The following NEO1 variants were observed in gnomAD, a reference collection of about 807,000 sequenced individuals.
The protein encoded by NEO1 is neogenin 1.
Under a neutral mutation model 159.7 loss-of-function variants are expected in NEO1, and 63 were observed. The observed-to-expected ratio is 0.39, with a 90% CI of 0.32 to 0.49. NEO1 has a LOEUF of 0.49. Among genes scored for constraint, NEO1 ranks in the 20% least tolerant of loss-of-function variants. The pLI, the probability that NEO1 is intolerant of heterozygous loss-of-function variation, is 0.85. For synonymous variants in NEO1, 633 were observed against 662.0 expected (o/e 0.96, Z 0.67); for missense variants, 1,615 against 1,831.0 (o/e 0.88, Z 2.15).
intron 1 of NEO1, among the ~76,000 whole-genome samples, chr15:73,086,947 C>T (rs1031753174): frequency 5.3e-5 from 8 of 152,028 alleles, no homozygotes; most frequent in Non-Finnish European, 8.8e-5. Context: ...TGAGCCACCG[C>T]GCCTAGCCAG....
chr15:73,239,378 G>A (rs1298263463), intron 8 of NEO1, among the ~76,000 whole-genome samples: 1 of 152,004 alleles, frequency 6.6e-6, no homozygotes, highest in Non-Finnish European at 1.5e-5. Flanking sequence ...TATGCATTGG[G>A]CCCTCATACA....
At chr15:73,224,033 A>G (rs963343594) in intron 7 of NEO1, among the ~76,000 whole-genome samples, 14 of 152,166 alleles carry the variant, frequency 9.2e-5, no homozygotes, top group Non-Finnish European at 1.9e-4. Context: ...TGTCTGGAAA[A>G]GACTGTATCT....
intron 5 of NEO1, among the ~76,000 whole-genome samples, chr15:73,165,672 C>T (rs994767547): frequency 1.3e-5 from 2 of 152,118 alleles, no homozygotes; most frequent in East Asian, 3.8e-4. Flanking sequence ...GGGGCGTGGA[C>T]ACAAAGGGTG....
rs1247361429 is a variant in NEO1, at chr15:73,244,344, G to T, written c.1452G>T (p.Arg484Ser). 4 of 1,612,234 alleles carry T rather than the reference G, an allele frequency of 2.5e-6. No homozygotes were observed. The highest frequency in any genetic ancestry group is 1.1e-5 in the South Asian group (1 of 90,834). The change falls in exon 9 of 29, where the codon AGG becomes AGT. Residue 484 changes from arginine (R) to serine (S), a missense_variant and splice_region_variant. This residue lies in a region of NEO1 where 1,018 missense variants were observed against 1,115.4 expected (regional missense o/e 0.91). Coordinates refer to ENST00000261908, the MANE Select transcript of NEO1 (RefSeq NM_002499.4). Reference sequence around the variant, plus strand: ...CTCTCTCCAAATCCTTTGTCTAAAGGGAACGTGTTGAGAATACCAGTCACC... The same window carrying T: ...CTCTCTCCAAATCCTTTGTCTAAAGTGAACGTGTTGAGAATACCAGTCACC... Reference protein sequence around the residue: ...SVFYTKEGIARERVENTSHPG... With the variant: ...SVFYTKEGIASERVENTSHPG...
At chr15:73,226,071 G>T (rs191889804) in intron 7 of NEO1, among the ~76,000 whole-genome samples, 1 of 152,160 alleles carries the variant, frequency 6.6e-6, no homozygotes. Flanking sequence ...TTCTCCAGTG[G>T]GGATGTGTGT....
chr15:73,184,731 C>T (rs991533546), intron 7 of NEO1, among the ~76,000 whole-genome samples: 1 of 152,114 alleles, frequency 6.6e-6, no homozygotes, highest in Non-Finnish European at 1.5e-5. Context: ...AGTTCGAGAC[C>T]AGCTTGGCCA....
chr15:73,260,564 A>G, intron 15 of NEO1, 99 bp downstream of exon 15: 1 of 1,058,958 alleles, frequency 9.4e-7, no homozygotes, highest in Non-Finnish European at 1.3e-6. Flanking sequence ...TTGCGAAAAT[A>G]GTACAAGTAA....
intron 1 of NEO1, among the ~76,000 whole-genome samples, chr15:73,062,716 A>C (rs2068036738): frequency 1.3e-5 from 2 of 152,104 alleles, no homozygotes; most frequent in South Asian, 4.1e-4. Context: ...GTTTGGCCCA[A>C]GGTACTGTGG....
intron 1 of NEO1, among the ~76,000 whole-genome samples, chr15:73,054,902 T>C (rs2067626861): frequency 6.6e-6 from 1 of 152,152 alleles, no homozygotes; most frequent in Non-Finnish European, 1.5e-5. Flanking sequence ...TTTATTTTTG[T>C]AGAGTGATAG....
rs572704643 is a variant in NEO1 at position 73,225,470 on chromosome 15, G to A, written c.1292-10877G>A. Among the ~76,000 whole-genome samples the A allele has an allele frequency of 3.9e-5, 6 of 152,190 alleles. No homozygotes were observed. In the East Asian group the frequency reaches 5.8e-4, roughly 15 times the overall value. On this transcript the variant is annotated intron_variant, in intron 7 of 28. Transcript: ENST00000261908. The stretch of plus-strand genomic sequence containing the variant: ...CTGAGCTCAGACTCTCCTTGGGCGC[G>A]TCTCCCTGCGGCTGCTGTGGAGGAT...
At chr15:73,083,005 C>CG (rs2069150752) in intron 1 of NEO1, among the ~76,000 whole-genome samples, 1 of 152,116 alleles carries the variant, frequency 6.6e-6, no homozygotes, top group Non-Finnish European at 1.5e-5. Flanking sequence ...TTGAAAATAA[C>CG]AGAGTGCCTG....
intron 1 of NEO1, among the ~76,000 whole-genome samples, chr15:73,059,619 T>C (rs1367265393): frequency 3.9e-5 from 6 of 152,186 alleles, no homozygotes; most frequent in Non-Finnish European, 7.4e-5. Flanking sequence ...GTAACTTGAT[T>C]TGGCGAGAGA....
intron 27 of NEO1, among the ~76,000 whole-genome samples, chr15:73,299,330 C>A (rs1461090379): frequency 6.6e-6 from 1 of 151,462 alleles, no homozygotes; most frequent in African/African-American, 2.4e-5. Flanking sequence ...TTTAAAAAAG[C>A]AAGTATCTAT....
At chr15:73,234,475 A>G (rs1020322624) in intron 7 of NEO1, among the ~76,000 whole-genome samples, 1 of 152,120 alleles carries the variant, frequency 6.6e-6, no homozygotes, top group East Asian at 1.9e-4. Context: ...AGCCTACCTC[A>G]TAGGGTTATT....
intron 1 of NEO1, among the ~76,000 whole-genome samples, chr15:73,101,400 C>G (rs1413321508): frequency 2.0e-5 from 3 of 152,218 alleles, no homozygotes; most frequent in East Asian, 1.9e-4. Flanking sequence ...TATGCACGCT[C>G]TCACGCGCAC....
chr15:73,212,753 G>GC (rs953710795), intron 7 of NEO1, among the ~76,000 whole-genome samples: 12 of 148,158 alleles, frequency 8.1e-5, no homozygotes, highest in African/African-American at 3.1e-4. Context: ...AATGGAAACA[G>GC]CCCAAAAAAA....
intron 7 of NEO1, among the ~76,000 whole-genome samples, chr15:73,188,328 G>A (rs912728608): frequency 4.6e-5 from 7 of 152,086 alleles, no homozygotes; most frequent in African/African-American, 1.7e-4. Context: ...ATGTCTAAAT[G>A]TGTATATACA....
intron 3 of NEO1, among the ~76,000 whole-genome samples, chr15:73,126,148 C>G (rs779298422): frequency 3.3e-5 from 5 of 152,170 alleles, no homozygotes; most frequent in Non-Finnish European, 7.3e-5. Context: ...TTTTGTATCA[C>G]TTTTGCTTAA....
chr15:73,251,513 CAAAAAA>C (rs35979398), intron 11 of NEO1, among the ~76,000 whole-genome samples: 2 of 94,420 alleles, frequency 2.1e-5, no homozygotes, highest in African/African-American at 4.5e-5. Context: ...GAAGCTGTCT[CAAAAAA>C]AAAAAAAAAA....
Sources: gnomAD v4.1 joint callset for allele counts (sites outside exome capture counted in the v4.1 genomes callset) on GRCh38, gnomAD v4.1.1 for gene constraint, gnomAD v4.1.1 regional missense constraint, MANE v1.5 for transcripts, NCBI Gene and HGNC (gene_info 2026-07-23, HGNC 2026-07-21) for gene names.